UBE2E2: variants seen among roughly 807,000 people sequenced by gnomAD.
UBE2E2 encodes the protein ubiquitin conjugating enzyme E2 E2.
UBE2E2 carries 6 observed loss-of-function variants against 24.7 expected under a neutral mutation model. The ratio of observed to expected loss-of-function variants is 0.24; its 90% CI spans 0.13 to 0.48. The LOEUF is 0.48. Ranked by LOEUF, UBE2E2 falls within the 20% of genes least tolerant of loss-of-function variation. UBE2E2 has a pLI of 0.99. For missense variants in UBE2E2, 169 were observed against 245.0 expected (o/e 0.69, Z 2.07); for synonymous variants, 104 against 83.6 (o/e 1.24, Z -1.33).
chr3:23,356,786 A>G (rs915007165), intron 3 of UBE2E2, among the ~76,000 whole-genome samples: 5 of 152,232 alleles, frequency 3.3e-5, no homozygotes, highest in African/African-American at 9.6e-5. Flanking sequence ...ATAACAAACA[A>G]CATCAAAATT....
intron 5 of UBE2E2, among the ~76,000 whole-genome samples, chr3:23,542,632 C>T (rs1231485126): frequency 6.6e-6 from 1 of 151,998 alleles, no homozygotes; most frequent in Non-Finnish European, 1.5e-5. Flanking sequence ...TCTGTATTGG[C>T]TTTTTGTTAT....
chr3:23,235,336 A>C lies in UBE2E2; in HGVS notation c.227+18024A>C, dbSNP rs536165617. ...AGAGCAAAAAGTTGTTAGGTACATA[A>C]GGTGTGGGGGACCATTAGTATTACA... On this transcript the variant is annotated intron_variant, in intron 3 of 5. Transcript: ENST00000396703. Among the ~76,000 whole-genome samples, 233 of 152,140 alleles carry C rather than the reference A, an allele frequency of 1.5e-3. 2 individuals carry two copies. Among genetic ancestry groups the C allele is most frequent in the Non-Finnish European group, 2.5e-3 (167 of 68,024 alleles).
intron 3 of UBE2E2, among the ~76,000 whole-genome samples, chr3:23,235,119 T>C (rs951525646): frequency 1.3e-5 from 2 of 152,208 alleles, no homozygotes; most frequent in African/African-American, 4.8e-5. Flanking sequence ...GTAGAGCTTA[T>C]GTTTTAGCTG....
chr3:23,480,782 G>C (rs942531923), intron 3 of UBE2E2, among the ~76,000 whole-genome samples: 4 of 152,152 alleles, frequency 2.6e-5, no homozygotes, highest in Non-Finnish European at 5.9e-5. Flanking sequence ...TTGACAAAAT[G>C]GTTTTTTGAA....
chr3:23,294,196 TTAAA>T (rs1698844280), intron 3 of UBE2E2, among the ~76,000 whole-genome samples: 1 of 152,242 alleles, frequency 6.6e-6, no homozygotes, highest in Admixed American at 6.5e-5. Flanking sequence ...AAGAAAATAT[TTAAA>T]TAACCTTGGC....
chr3:23,205,455 T>A (rs1559437898), intron 1 of UBE2E2, among the ~76,000 whole-genome samples: 1 of 152,216 alleles, frequency 6.6e-6, no homozygotes, highest in East Asian at 1.9e-4. Flanking sequence ...ACTAATTAAA[T>A]TGATTCATAG....
At chr3:23,535,901 G>A (rs1406655667) in intron 5 of UBE2E2, among the ~76,000 whole-genome samples, 1 of 152,146 alleles carries the variant, frequency 6.6e-6, no homozygotes, top group Non-Finnish European at 1.5e-5. Flanking sequence ...GATGACAGGC[G>A]TGAGCCACCC....
intron 2 of UBE2E2, among the ~76,000 whole-genome samples, 167 bp from the exon 3 acceptor site, chr3:23,217,095 G>A (rs549957560): frequency 1.1e-4 from 17 of 152,172 alleles, no homozygotes; most frequent in Admixed American, 9.8e-4. Context: ...CAAAACCCTG[G>A]CAGAAATTGC....
intron 3 of UBE2E2, among the ~76,000 whole-genome samples, chr3:23,497,402 C>T (rs1411383224): frequency 6.6e-6 from 1 of 152,166 alleles, no homozygotes; most frequent in African/African-American, 2.4e-5. Flanking sequence ...TGTCACGTGG[C>T]ATTTTAGGCA....
chr3:23,532,240 A>AG (rs1695140444), intron 4 of UBE2E2, among the ~76,000 whole-genome samples: 1 of 152,188 alleles, frequency 6.6e-6, no homozygotes, highest in South Asian at 2.1e-4. Context: ...TCTCCCCATG[A>AG]ACATTCCTGT....
chr3:23,418,577 CG>C (rs1697709818), intron 3 of UBE2E2, among the ~76,000 whole-genome samples: 1 of 152,098 alleles, frequency 6.6e-6, no homozygotes, highest in Non-Finnish European at 1.5e-5. Context: ...TCCTCACCTC[CG>C]GTTACATTAT....
rs2125388086 is a variant in UBE2E2 at position 23,418,029 on chromosome 3, G to A, written c.228-81579G>A. On this transcript the variant is annotated intron_variant, in intron 3 of 5. Transcript: ENST00000396703. The stretch of plus-strand genomic sequence containing the variant: ...TGGGATCCGCTGAGCTAAACCACTT[G>A]GCTCCCTTGCTTCAGCCCCTTTTCC... Among the ~76,000 whole-genome samples, 4 of 152,258 alleles carry A rather than the reference G, an allele frequency of 2.6e-5. No homozygotes were observed. The South Asian group carries it at 8.3e-4, about 32-fold the overall frequency.
At chr3:23,543,324 C>A (rs1228016502) in intron 5 of UBE2E2, among the ~76,000 whole-genome samples, 1 of 152,092 alleles carries the variant, frequency 6.6e-6, no homozygotes, top group Non-Finnish European at 1.5e-5. Flanking sequence ...AAGACTCCTC[C>A]AGAATACTCC....
intron 3 of UBE2E2, among the ~76,000 whole-genome samples, chr3:23,487,228 C>T (rs1699392203): frequency 6.6e-6 from 1 of 152,216 alleles, no homozygotes; most frequent in African/African-American, 2.4e-5. Context: ...CTTTGCTCTG[C>T]ACTGGAGCAG....
At chr3:23,345,048 G>A (rs150495715) in intron 3 of UBE2E2, among the ~76,000 whole-genome samples, 214 of 152,190 alleles carry the variant, frequency 1.4e-3, no homozygotes, top group African/African-American at 4.8e-3. Flanking sequence ...AGGAGGAAAC[G>A]AATTTTGCCC....
intron 3 of UBE2E2, among the ~76,000 whole-genome samples, chr3:23,382,740 A>T (rs1023072965): frequency 5.9e-5 from 9 of 152,238 alleles, no homozygotes; most frequent in African/African-American, 2.2e-4. Context: ...AATACCATTT[A>T]GGCTTATCAA....
At chr3:23,550,032 C>CA (rs35163126) in intron 5 of UBE2E2, among the ~76,000 whole-genome samples, 7,762 of 96,128 alleles carry the variant, frequency 0.081, 269 homozygotes, top group Non-Finnish European at 0.097. Flanking sequence ...GACTCCATCT[C>CA]AAAAAAAAAA....
intron 3 of UBE2E2, among the ~76,000 whole-genome samples, chr3:23,368,630 GTAT>G (rs1357456907): frequency 6.6e-6 from 1 of 152,082 alleles, no homozygotes; most frequent in Non-Finnish European, 1.5e-5. Flanking sequence ...ATTTCTATCT[GTAT>G]TATTAATGCA....
At position 23,359,291 on chromosome 3, in the gene UBE2E2, A is replaced by T. The variant is rs112423063; in HGVS notation, c.228-140317A>T. Among the ~76,000 whole-genome samples the T allele has an allele frequency of 4.4e-3, 671 of 152,292 alleles. 4 individuals are homozygous for T. The highest frequency in any genetic ancestry group is 7.2e-3 in the Non-Finnish European group (493 of 68,012). On this transcript the variant is annotated intron_variant, in intron 3 of 5. Coordinates refer to ENST00000396703, the MANE Select transcript of UBE2E2 (RefSeq NM_152653.4). ...TTATTGCTAACATCTCCTTTGAGAAATATGGTTCTGGCAGGTTTTTAGAAT... is the reference window on the plus strand; with the variant it reads ...TTATTGCTAACATCTCCTTTGAGAATTATGGTTCTGGCAGGTTTTTAGAAT...
Sources: allele counts gnomAD v4.1 joint callset (sites outside exome capture counted in the v4.1 genomes callset), GRCh38; gene constraint gnomAD v4.1.1; transcripts MANE v1.5; gene names NCBI Gene and HGNC (gene_info 2026-07-23, HGNC 2026-07-21).